Variants in GSDME observed in about 807,000 individuals in gnomAD.
GSDME encodes gasdermin-E.
In GSDME, 44 loss-of-function variants were observed where a neutral mutation model predicts 47.5. That is an observed-to-expected ratio of 0.93 (90% CI 0.73 to 1.19). The LOEUF (loss-of-function observed/expected upper bound fraction) is 1.19. Ranked by LOEUF, GSDME falls within the 50% of genes most tolerant of loss-of-function variation. The probability of loss-of-function intolerance (pLI) is 0.00; values close to 1 mark genes in which losing one functional copy is unlikely to be tolerated. For synonymous variants in GSDME, 258 were observed against 252.8 expected, an observed-to-expected ratio of 1.02 and a Z score of -0.20; for missense variants, 663 against 604.2, an observed-to-expected ratio of 1.10 and a Z score of -1.02.
At chr7:24,711,815 CAAAA>C (rs35002301) in intron 5 of GSDME, among the ~76,000 whole-genome samples, 1 of 97,052 alleles carries the variant, frequency 1.0e-5, no homozygotes, top group East Asian at 2.7e-4. Context: ...ACCTTGTCTC[CAAAA>C]AAAAAAAAAA....
At position 24,744,657 on chromosome 7, in the gene GSDME, C is replaced by G. The variant is rs899419263; in HGVS notation, c.309G>C (p.Leu103=). 1.2e-6 allele frequency: 2 copies of G among 1,614,078 alleles called. No individual in the cohort carries two copies. Among genetic ancestry groups the G allele is most frequent in the African/African-American group, 2.7e-5 (2 of 74,918 alleles). ...GGCTCTCTACGCGGCTGCTGCCCCC[C>G]AGGTTCAGCTTGACCTTCCCCAGTG... ...ETALGKVKLN[L]GGSSRVESQS... is the part of the protein sequence containing the mutation. The change falls in exon 3 of 10, where the codon CTG becomes CTC. Residue 103 remains leucine, a synonymous_variant. Transcript: ENST00000645220. The surrounding 1 kb of genome is among the most constrained non-coding windows in gnomAD (Gnocchi z 4.5).
intron 5 of GSDME, among the ~76,000 whole-genome samples, chr7:24,713,498 C>G (rs1185451912): frequency 6.6e-6 from 1 of 152,218 alleles, no homozygotes; most frequent in Non-Finnish European, 1.5e-5. Flanking sequence ...GAAAAGCCAT[C>G]TGATGGTTGG....
At chr7:24,774,887 C>T in the GSDME span, among the ~76,000 whole-genome samples, 2 of 152,148 alleles carry the variant, frequency 1.3e-5, no homozygotes, top group Non-Finnish European at 2.9e-5. Context: ...CCCTGTCTTT[C>T]ATTTACACAA....
the GSDME span, among the ~76,000 whole-genome samples, chr7:24,789,363 G>C: frequency 1.3e-5 from 2 of 151,984 alleles, no homozygotes; most frequent in East Asian, 3.8e-4. Flanking sequence ...ATTCGGCTGG[G>C]AGCATCGGCA....
At chr7:24,766,597 T>C in the GSDME span, among the ~76,000 whole-genome samples, 3 of 152,218 alleles carry the variant, frequency 2.0e-5, no homozygotes, top group African/African-American at 7.2e-5. This position sits in a 1 kb window ranked among gnomAD's most constrained non-coding sequence, Gnocchi z 4.2. Context: ...AGTGATGGTT[T>C]CCAGCTTCAT....
chr7:24,726,775 C>A lies in GSDME; in HGVS notation c.405-7557G>T, dbSNP rs188992585. Among the ~76,000 whole-genome samples, 59 of 149,838 alleles carry A rather than the reference C, an allele frequency of 3.9e-4. No individual in the cohort carries two copies. The East Asian group carries it at 0.011, about 28-fold the overall frequency. On this transcript the variant is annotated intron_variant, in intron 3 of 9. Transcript: ENST00000645220. The surrounding 1 kb of genome is among the most constrained non-coding windows in gnomAD (Gnocchi z 5.6). ...TGAGCCGAGATCGCCCACTGCACTC[C>A]AGCCCGGGGGACAGAGCGAGACTCC...
chr7:24,768,975 C>T, the GSDME span, among the ~76,000 whole-genome samples: 24 of 152,340 alleles, frequency 1.6e-4, no homozygotes, highest in South Asian at 5.0e-3. The surrounding 1 kb of genome is among the most constrained non-coding windows in gnomAD (Gnocchi z 5.6). Context: ...CAGACACAAA[C>T]AGACCTAAGT....
rs560514179 is a variant in GSDME, at chr7:24,740,761, A to G, written c.404+3801T>C. On this transcript the variant is annotated intron_variant, in intron 3 of 9. Coordinates refer to ENST00000645220, the MANE Select transcript of GSDME (RefSeq NM_001127453.2). ...CATTGCTTTAATATACTGGTTTCAT[A>G]TAATTTATTTAATTTGGAATTCCTA... Among the ~76,000 whole-genome samples the G allele has an allele frequency of 2.0e-5, 3 of 152,314 alleles. No individual in the cohort carries two copies. The South Asian group carries it at 6.2e-4, about 32-fold the overall frequency.
chr7:24,734,688 T>C lies in GSDME; in HGVS notation c.404+9874A>G, dbSNP rs527965775. Among the ~76,000 whole-genome samples, 5 of 152,256 alleles carry C rather than the reference T, an allele frequency of 3.3e-5. No individual in the cohort carries two copies. The East Asian group carries it at 7.7e-4, about 24-fold the overall frequency. On this transcript the variant is annotated intron_variant, in intron 3 of 9. Transcript: ENST00000645220. ...CATCAGAGTCTCTTAAATAGCAGAATTGATTAAGCAGAAGAAATAATTTGT... is the reference window on the plus strand; with the variant it reads ...CATCAGAGTCTCTTAAATAGCAGAACTGATTAAGCAGAAGAAATAATTTGT...
chr7:24,779,300 G>A, the GSDME span, among the ~76,000 whole-genome samples: 1 of 152,222 alleles, frequency 6.6e-6, no homozygotes, highest in Admixed American at 6.5e-5. This position sits in a 1 kb window ranked among gnomAD's most constrained non-coding sequence, Gnocchi z 6.0. Flanking sequence ...AATGGCAAAG[G>A]CAGAGGCAGC....
chr7:24,739,683 A>G lies in GSDME; in HGVS notation c.404+4879T>C, dbSNP rs564509000. ...ACTGAGGAGCTATCTGCACTCCTAC[A>G]TTTATTGCAGCACTAGTCACAATAG... is the stretch of plus-strand genomic sequence containing the variant. On this transcript the variant is annotated intron_variant, in intron 3 of 9. Transcript: ENST00000645220. The surrounding 1 kb of genome is among the most constrained non-coding windows in gnomAD (Gnocchi z 5.1). 5.9e-5 allele frequency among the ~76,000 whole-genome samples: 9 copies of G among 152,344 alleles called. No individual in the cohort carries two copies. Among genetic ancestry groups the G allele is most frequent in the African/African-American group, 2.2e-4 (9 of 41,588 alleles).
chr7:24,767,503 T>A, the GSDME span, among the ~76,000 whole-genome samples: 16 of 152,088 alleles, frequency 1.1e-4, no homozygotes, highest in Non-Finnish European at 1.6e-4. This position sits in a 1 kb window ranked among gnomAD's most constrained non-coding sequence, Gnocchi z 5.3. Context: ...GAAACCTCTA[T>A]CTAGAATTTT....
the GSDME span, among the ~76,000 whole-genome samples, chr7:24,783,414 C>A: frequency 2.6e-5 from 4 of 152,130 alleles, no homozygotes; most frequent in African/African-American, 9.7e-5. Flanking sequence ...TGGCAGCAAC[C>A]AGCGATCCCC....
intron 1 of GSDME, among the ~76,000 whole-genome samples, chr7:24,755,454 A>G (rs1790984550): frequency 6.6e-6 from 1 of 152,118 alleles, no homozygotes; most frequent in African/African-American, 2.4e-5. Context: ...ACCACATCCA[A>G]TTCAGAGCAA....
Position 24,728,178 on chromosome 7 carries a change from T to G in GSDME, c.405-8960A>C, listed in dbSNP as rs1162111026. ...TCTGTTAGGGGTTCTCAAGTTTTTC[T>G]CCCTCTTAAAAAGGGACACAAAGAA... On this transcript the variant is annotated intron_variant, in intron 3 of 9. Coordinates refer to ENST00000645220, the MANE Select transcript of GSDME (RefSeq NM_001127453.2). The surrounding 1 kb of genome is among the most constrained non-coding windows in gnomAD (Gnocchi z 7.2). Among the ~76,000 whole-genome samples the G allele has an allele frequency of 2.0e-5, 3 of 152,126 alleles. No homozygotes were observed. Among genetic ancestry groups the G allele is most frequent in the Non-Finnish European group, 4.4e-5 (3 of 68,004 alleles).
intron 3 of GSDME, among the ~76,000 whole-genome samples, chr7:24,729,603 C>G (rs986008422): frequency 6.6e-6 from 1 of 152,230 alleles, no homozygotes; most frequent in Admixed American, 6.5e-5. Flanking sequence ...AGAAGTGAGT[C>G]TGTGTGTGTC....
rs529910909 is a variant in GSDME, at chr7:24,722,558, C to T, written c.405-3340G>A. ...TCCTCCCAGCTAGACGCACGTCAGA[C>T]ACATCACCGCCTGGTGACGACCCCA... On this transcript the variant is annotated intron_variant, in intron 3 of 9. Coordinates refer to ENST00000645220, the MANE Select transcript of GSDME (RefSeq NM_001127453.2). Among the ~76,000 whole-genome samples the T allele has an allele frequency of 4.6e-5, 7 of 152,312 alleles. No homozygotes were observed. In the East Asian group the frequency reaches 1.4e-3, roughly 29 times the overall value.
intron 5 of GSDME, chr7:24,715,487 A>T (rs1356766510): frequency 4.2e-6 from 2 of 470,968 alleles, no homozygotes; most frequent in South Asian, 3.1e-5. Flanking sequence ...TGTGTCAATC[A>T]TACCTCAGTA....
chr7:24,765,151 C>T, the GSDME span, among the ~76,000 whole-genome samples: 910 of 152,282 alleles, frequency 6.0e-3, 11 homozygotes, highest in African/African-American at 0.02. Flanking sequence ...AATGCTGGAC[C>T]TCCTCTCTAG....
Sources: gnomAD v4.1 joint callset for allele counts (sites outside exome capture counted in the v4.1 genomes callset) on GRCh38, gnomAD v4.1.1 for gene constraint, Gnocchi (gnomAD v3.1) non-coding constraint, MANE v1.5 for transcripts, NCBI Gene and HGNC (gene_info 2026-07-23, HGNC 2026-07-21) for gene names.